The following ZDHHC3 variants were observed in gnomAD, a reference collection of about 807,000 sequenced individuals.
ZDHHC3 encodes palmitoyltransferase ZDHHC3.
A neutral mutation model predicts 30.6 loss-of-function variants in ZDHHC3; 9 were observed. The ratio of observed to expected loss-of-function variants is 0.29; its 90% CI spans 0.18 to 0.51. The LOEUF (loss-of-function observed/expected upper bound fraction) is 0.51, where lower values mean the gene tolerates loss of function less well. Ranked by LOEUF, ZDHHC3 falls within the 20% of genes least tolerant of loss-of-function variation. The pLI, the probability that ZDHHC3 is intolerant of heterozygous loss-of-function variation, is 0.97. For missense variants in ZDHHC3, 246 were observed against 384.2 expected, an observed-to-expected ratio of 0.64 and a Z score of 3.01; for synonymous variants, 136 against 140.2, an observed-to-expected ratio of 0.97 and a Z score of 0.21.
At chr3:44,961,715 A>G (rs1188638675) in intron 1 of ZDHHC3, among the ~76,000 whole-genome samples, 3 of 152,260 alleles carry the variant, frequency 2.0e-5, no homozygotes, top group Non-Finnish European at 4.4e-5. Context: ...TTGAAGCTCT[A>G]CATTTTGACA....
At chr3:44,945,117 A>T in intron 3 of ZDHHC3, 51 bp downstream of exon 3, 1 of 1,610,120 alleles carries the variant, frequency 6.2e-7, no homozygotes, top group South Asian at 1.1e-5. Flanking sequence ...GCGGGGATGG[A>T]GGGAGGCAGG....
Position 44,929,631 on chromosome 3 carries a change from G to A in ZDHHC3, c.611-195C>T, listed in dbSNP as rs773299659. Among the ~76,000 whole-genome samples the A allele has an allele frequency of 1.1e-4, 16 of 152,264 alleles. No individual in the cohort carries two copies. The East Asian group carries it at 1.4e-3, about 13-fold the overall frequency. ...TGGCTATCTCTCAATCCCTCAGGGA[G>A]GCCTCCTCAACAGGCCAGGCCCCAG... On this transcript the variant is annotated intron_variant, in intron 5 of 6. Transcript: ENST00000424952.
At chr3:44,943,912 T>A (rs6790296) in intron 3 of ZDHHC3, among the ~76,000 whole-genome samples, 2 of 151,908 alleles carry the variant, frequency 1.3e-5, no homozygotes, top group South Asian at 4.1e-4. Flanking sequence ...TGCTTGAGCC[T>A]GGGAGTCTGA....
chr3:44,973,626 T>C (rs188013500), intron 1 of ZDHHC3, among the ~76,000 whole-genome samples: 37 of 152,080 alleles, frequency 2.4e-4, no homozygotes, highest in African/African-American at 8.4e-4. Context: ...GCCCGGCTGA[T>C]TTTGTATTTT....
At chr3:44,962,806 A>G (rs2125917131) in intron 1 of ZDHHC3, among the ~76,000 whole-genome samples, 1 of 152,246 alleles carries the variant, frequency 6.6e-6, no homozygotes, top group Admixed American at 6.5e-5. Flanking sequence ...TTCTGTGTCT[A>G]CGGTCACCAG....
intron 3 of ZDHHC3, among the ~76,000 whole-genome samples, chr3:44,937,444 G>A (rs1702059855): frequency 6.6e-6 from 1 of 151,510 alleles, no homozygotes; most frequent in Non-Finnish European, 1.5e-5. Flanking sequence ...GGTGGCTCAT[G>A]CCTATAAGCC....
rs954392743 is a variant in ZDHHC3, at chr3:44,917,995, T to C, written c.*8694A>G. 3.8e-6 allele frequency: 5 copies of C among 1,305,472 alleles called. No individual in the cohort carries two copies. The highest frequency in any genetic ancestry group is 4.0e-6 in the Non-Finnish European group (4 of 988,966). The allele number at this position is 1,305,472 out of a possible 1,614,324, so 80.9% of individuals were successfully genotyped here. ...CAGCGATGTCACCTGCCGCACCATGTCTTTGTCACTGGGGATCTCTGGCTG... is the reference window on the plus strand; with the variant it reads ...CAGCGATGTCACCTGCCGCACCATGCCTTTGTCACTGGGGATCTCTGGCTG... On this transcript the variant is annotated 3_prime_UTR_variant, in exon 7 of 7. Coordinates refer to ENST00000424952, the MANE Select transcript of ZDHHC3 (RefSeq NM_001135179.2).
rs1700901342 is a variant in ZDHHC3 at position 44,925,418 on chromosome 3, T to C, written c.*1271A>G. 1.0e-6 allele frequency: 1 copy of C among 985,488 alleles called. No homozygotes were observed. 61.0% of individuals were successfully genotyped at this position (985,488 alleles called of 1,614,324 possible). Reference sequence around the variant, plus strand: ...AGAATTCCCCGATGGTCAATAATCATATTTGTTATTTTTGCACTTGGAGGG... The same window carrying C: ...AGAATTCCCCGATGGTCAATAATCACATTTGTTATTTTTGCACTTGGAGGG... On this transcript the variant is annotated 3_prime_UTR_variant, in exon 7 of 7. Transcript: ENST00000424952.
At chr3:44,946,678 A>T (rs956992762) in intron 2 of ZDHHC3, among the ~76,000 whole-genome samples, 1 of 152,174 alleles carries the variant, frequency 6.6e-6, no homozygotes, top group African/African-American at 2.4e-5. Flanking sequence ...CTGGCTAGGT[A>T]GACCTGTGGG....
At chr3:44,963,526 A>C (rs1704661478) in intron 1 of ZDHHC3, among the ~76,000 whole-genome samples, 1 of 150,606 alleles carries the variant, frequency 6.6e-6, no homozygotes, top group Non-Finnish European at 1.5e-5. Context: ...ACCACGAAAC[A>C]AACTGTATAT....
chr3:44,959,124 T>C lies in ZDHHC3; in HGVS notation c.306+7A>G. ...GGGCTGGTCAAAACAAGCCCAGACA[T>C]ACTCACGGGGTCCGTCAGCATGGCC... is the stretch of plus-strand genomic sequence containing the variant. On this transcript the variant is annotated splice_region_variant and intron_variant, in intron 2 of 6. Coordinates refer to ENST00000424952, the MANE Select transcript of ZDHHC3 (RefSeq NM_001135179.2). This position sits in a 1 kb window ranked among gnomAD's most constrained non-coding sequence, Gnocchi z 4.3. 6.2e-7 allele frequency: 1 copy of C among 1,613,920 alleles called. No individual in the cohort carries two copies. Among genetic ancestry groups the C allele is most frequent in the Non-Finnish European group, 8.5e-7 (1 of 1,179,848 alleles).
chr3:44,930,809 C>G (rs1014048583), intron 5 of ZDHHC3, among the ~76,000 whole-genome samples: 8 of 152,148 alleles, frequency 5.3e-5, no homozygotes, highest in African/African-American at 1.7e-4. Context: ...TGGCCACCAG[C>G]CTGATGGCCT....
At chr3:44,974,168 T>G (rs1186322701) in intron 1 of ZDHHC3, among the ~76,000 whole-genome samples, 2 of 152,260 alleles carry the variant, frequency 1.3e-5, no homozygotes, top group African/African-American at 2.4e-5. Flanking sequence ...ACATCTCTCT[T>G]ACCTACTTAG....
intron 3 of ZDHHC3, among the ~76,000 whole-genome samples, chr3:44,944,546 G>A (rs1026709730): frequency 6.6e-6 from 1 of 152,178 alleles, no homozygotes; most frequent in African/African-American, 2.4e-5. Context: ...GCTTCCCAAA[G>A]TGCTGGGATT....
rs376483816 is a variant in ZDHHC3 at position 44,921,436 on chromosome 3, T to G, written c.*5253A>C. The G allele has an allele frequency of 2.0e-6, 2 of 985,430 alleles. No homozygotes were observed. Among genetic ancestry groups the G allele is most frequent in the African/African-American group, 3.5e-5 (2 of 57,342 alleles). 61.0% of individuals were successfully genotyped at this position (985,430 alleles called of 1,614,324 possible). The stretch of plus-strand genomic sequence containing the variant: ...ATATTGTAACCCACAAGAGGAAACA[T>G]TTTTCTGTTGCATTCCAGAACACAT... On this transcript the variant is annotated 3_prime_UTR_variant, in exon 7 of 7. Coordinates refer to ENST00000424952, the MANE Select transcript of ZDHHC3 (RefSeq NM_001135179.2).
intron 2 of ZDHHC3, among the ~76,000 whole-genome samples, chr3:44,956,776 T>C (rs1216475145): frequency 6.6e-6 from 1 of 152,142 alleles, no homozygotes; most frequent in Non-Finnish European, 1.5e-5. Flanking sequence ...CCCCTGCTTC[T>C]ACTTGTAACA....
chr3:44,931,582 T>C (rs1036712541), intron 5 of ZDHHC3, among the ~76,000 whole-genome samples: 1 of 152,200 alleles, frequency 6.6e-6, no homozygotes, highest in East Asian at 1.9e-4. Context: ...GTAATGGTCA[T>C]ATACAGTCAA....
chr3:44,973,720 A>T (rs1165425035), intron 1 of ZDHHC3, among the ~76,000 whole-genome samples: 1 of 152,212 alleles, frequency 6.6e-6, no homozygotes, highest in Non-Finnish European at 1.5e-5. Flanking sequence ...GGCCTCCCAA[A>T]GTGCTGGGAT....
Position 44,925,780 on chromosome 3 carries a change from G to A in ZDHHC3, c.*909C>T. ...ATGAGAAGGGGATGATGGTGGGGCT[G>A]TATGTGTTGGGCACTGGTGCCTATT... On this transcript the variant is annotated 3_prime_UTR_variant, in exon 7 of 7. Transcript: ENST00000424952. 1 of 985,874 alleles carries A rather than the reference G, an allele frequency of 1.0e-6. No homozygotes were observed. The highest frequency in any genetic ancestry group is 1.2e-6 in the Non-Finnish European group (1 of 829,948). 61.1% of individuals were successfully genotyped at this position (985,874 alleles called of 1,614,324 possible). A position where few individuals can be genotyped will look rare whatever the true frequency, so the allele number is the denominator to read the frequency against.
Sources: allele counts gnomAD v4.1 joint callset (sites outside exome capture counted in the v4.1 genomes callset), GRCh38; gene constraint gnomAD v4.1.1; non-coding constraint Gnocchi (gnomAD v3.1); transcripts MANE v1.5; gene names NCBI Gene and HGNC (gene_info 2026-07-23, HGNC 2026-07-21).